Variants in SKAP1 observed in about 807,000 individuals in gnomAD.
SKAP1 encodes the protein src kinase associated phosphoprotein 1.
In SKAP1, 44 loss-of-function variants were observed where a neutral mutation model predicts 58.5. That is an observed-to-expected ratio of 0.75 (90% CI 0.59 to 0.97). SKAP1 has a LOEUF of 0.97. SKAP1 is among the 50% of genes least tolerant of loss of function. The probability of loss-of-function intolerance (pLI) is 0.00; values close to 1 mark genes in which losing one functional copy is unlikely to be tolerated. For synonymous variants in SKAP1, 127 were observed against 149.7 expected (o/e 0.85, Z 1.11); for missense variants, 390 against 435.2 (o/e 0.90, Z 0.92).
At chr17:48,354,435 T>G (rs1472690324) in intron 3 of SKAP1, among the ~76,000 whole-genome samples, 2 of 152,238 alleles carry the variant, frequency 1.3e-5, no homozygotes, top group Non-Finnish European at 2.9e-5. Flanking sequence ...ATCTTAAGGG[T>G]AAGTGGTATC....
intron 3 of SKAP1, among the ~76,000 whole-genome samples, chr17:48,347,878 T>C (rs949367006): frequency 2.0e-5 from 3 of 152,168 alleles, no homozygotes; most frequent in African/African-American, 7.2e-5. Context: ...CAAGGTTAAA[T>C]GGAATTTTTA....
intron 2 of SKAP1, among the ~76,000 whole-genome samples, chr17:48,372,281 GTA>G (rs943625289): frequency 5.4e-5 from 8 of 147,414 alleles, no homozygotes; most frequent in African/African-American, 2.0e-4. Context: ...CCTGTGCTAG[GTA>G]TATGTTTTAC....
At chr17:48,232,180 C>A in intron 4 of SKAP1, among the ~76,000 whole-genome samples, 1 of 152,304 alleles carries the variant, frequency 6.6e-6, no homozygotes, top group South Asian at 2.1e-4. Flanking sequence ...AGTTCCTGGG[C>A]GTGCCTCAGA....
At chr17:48,313,097 G>GAT (rs1483615085) in intron 4 of SKAP1, among the ~76,000 whole-genome samples, 1 of 123,980 alleles carries the variant, frequency 8.1e-6, no homozygotes, top group African/African-American at 3.0e-5. Context: ...CTTGTTTATA[G>GAT]AAATATGGGT....
intron 2 of SKAP1, among the ~76,000 whole-genome samples, chr17:48,391,071 A>G (rs1488890815): frequency 1.3e-5 from 2 of 152,150 alleles, no homozygotes; most frequent in African/African-American, 2.4e-5. Context: ...CTCTGTCTCA[A>G]AAAAACAAAA....
At chr17:48,151,175 C>T (rs1239155374) in intron 11 of SKAP1, among the ~76,000 whole-genome samples, 2 of 151,868 alleles carry the variant, frequency 1.3e-5, no homozygotes, top group Non-Finnish European at 2.9e-5. Context: ...TAGAATCTGC[C>T]ATTTCATAAA....
chr17:48,428,489 T>C (rs767579487), intron 1 of SKAP1, among the ~76,000 whole-genome samples: 19 of 152,200 alleles, frequency 1.2e-4, no homozygotes, highest in Non-Finnish European at 2.5e-4. Flanking sequence ...TTTACCAAAG[T>C]GTCAGTTTTG....
intron 4 of SKAP1, among the ~76,000 whole-genome samples, chr17:48,305,668 G>A (rs1048142094): frequency 2.6e-5 from 4 of 152,128 alleles, no homozygotes; most frequent in African/African-American, 9.7e-5. Context: ...GTTGTTGTGA[G>A]AATTAAATGA....
At chr17:48,430,384 G>A, upstream of SKAP1, 2 of 220,572 alleles carry the variant, frequency 9.1e-6, no homozygotes, top group Non-Finnish European at 1.8e-5. Context: ...TGGGGGTGCC[G>A]GAAGCACCGC....
intron 4 of SKAP1, among the ~76,000 whole-genome samples, chr17:48,213,505 G>A (rs2064900379): frequency 6.6e-6 from 1 of 152,174 alleles, no homozygotes; most frequent in African/African-American, 2.4e-5. Context: ...ACTTTCAGGA[G>A]ACTATGACCT....
intron 4 of SKAP1, among the ~76,000 whole-genome samples, chr17:48,291,214 C>T (rs931005729): frequency 1.6e-4 from 24 of 152,134 alleles, no homozygotes; most frequent in African/African-American, 5.6e-4. Context: ...TGTTGACCAC[C>T]TTCATGGGGT....
chr17:48,337,328 T>C (rs928189886), intron 4 of SKAP1, among the ~76,000 whole-genome samples: 2 of 152,240 alleles, frequency 1.3e-5, no homozygotes, highest in African/African-American at 4.8e-5. Context: ...AATAGTGTTA[T>C]TAACCTTTCT....
At chr17:48,259,507 G>A (rs943381625) in intron 4 of SKAP1, among the ~76,000 whole-genome samples, 4 of 151,944 alleles carry the variant, frequency 2.6e-5, no homozygotes, top group Non-Finnish European at 4.4e-5. Context: ...TTTCCATAGC[G>A]TAATCATGAA....
At chr17:48,442,079 T>G in the SKAP1 span, among the ~76,000 whole-genome samples, 1 of 152,204 alleles carries the variant, frequency 6.6e-6, no homozygotes, top group Non-Finnish European at 1.5e-5. Flanking sequence ...GAACATGCAC[T>G]GAAGTTCCTT....
intron 4 of SKAP1, among the ~76,000 whole-genome samples, chr17:48,259,452 T>A (rs2143922151): frequency 6.6e-6 from 1 of 152,264 alleles, no homozygotes; most frequent in Non-Finnish European, 1.5e-5. Context: ...GGAACATACA[T>A]TGTTTTTTAA....
intron 4 of SKAP1, among the ~76,000 whole-genome samples, chr17:48,334,662 C>A (rs948604893): frequency 2.6e-5 from 4 of 151,530 alleles, no homozygotes; most frequent in African/African-American, 9.7e-5. Flanking sequence ...ATTGCCTAAC[C>A]TGATTATAGT....
At chr17:48,233,700 CA>C (rs2065149242) in intron 4 of SKAP1, among the ~76,000 whole-genome samples, 2 of 151,768 alleles carry the variant, frequency 1.3e-5, no homozygotes, top group South Asian at 2.1e-4. Context: ...TAAAAACATA[CA>C]AAAAATTAGC....
the SKAP1 span, among the ~76,000 whole-genome samples, chr17:48,441,046 G>A: frequency 1.3e-5 from 2 of 152,178 alleles, no homozygotes; most frequent in Admixed American, 6.5e-5. Flanking sequence ...GATGCTGGCC[G>A]ACTTCAGTTG....
At chr17:48,143,735 C>G (rs369263364) in intron 11 of SKAP1, among the ~76,000 whole-genome samples, 23 of 152,322 alleles carry the variant, frequency 1.5e-4, no homozygotes, top group African/African-American at 5.3e-4. Flanking sequence ...TGATCCAAGT[C>G]AACTTGCTGA....
Sources: allele counts gnomAD v4.1 joint callset (sites outside exome capture counted in the v4.1 genomes callset), GRCh38; gene constraint gnomAD v4.1.1; transcripts MANE v1.5; gene names NCBI Gene and HGNC (gene_info 2026-07-23, HGNC 2026-07-21).